TIGD7: variants seen among roughly 807,000 people sequenced by gnomAD.
TIGD7 encodes the protein tigger transposable element-derived protein 7.
TIGD7 carries 26 observed loss-of-function variants against 24.8 expected under a neutral mutation model. That is an observed-to-expected ratio of 1.05 (90% CI 0.77 to 1.45). The LOEUF (loss-of-function observed/expected upper bound fraction) is 1.45. Among genes scored for constraint, TIGD7 ranks in the 40% most tolerant of loss-of-function variants. The pLI is 0.00. For missense variants in TIGD7, 679 were observed against 641.6 expected (o/e 1.06, Z -0.63); for synonymous variants, 221 against 224.1 (o/e 0.99, Z 0.12).
At chr16:3,302,747 C>A (rs1391623957) in intron 1 of TIGD7, among the ~76,000 whole-genome samples, 2 of 151,156 alleles carry the variant, frequency 1.3e-5, no homozygotes, top group Non-Finnish European at 2.9e-5. Flanking sequence ...AGTCACCTAG[C>A]AAAAATATTC....
rs1425858200 is a variant in TIGD7 at position 3,300,457 on chromosome 16, A to G, written c.158T>C (p.Leu53Pro). 3.1e-6 allele frequency: 5 copies of G among 1,614,010 alleles called. No homozygotes were observed. The highest frequency in any genetic ancestry group is 2.5e-6 in the Non-Finnish European group (3 of 1,180,038). ...YDIKKNKKLI[L>P]DFVLKQDMPL... ...CATGTCCTGCTTCAGTACAAAGTCC[A>G]GAATTAACTTCTTATTTTTTTTAAT... Residue 53 changes from leucine (L) to proline (P), a missense_variant, in exon 2 of 2, where the codon CTG becomes CCG. Physicochemically the swap from Leu to Pro is moderately conservative, Grantham distance 98. Coordinates refer to ENST00000396862, the MANE Select transcript of TIGD7 (RefSeq NM_033208.4).
At position 3,299,726 on chromosome 16, in the gene TIGD7, T is replaced by C. The variant is rs1452170723; in HGVS notation, c.889A>G (p.Ser297Gly). ...EDVRALLLLD[S>G]CPAHPSSESL... ...TCAGAGGAAGGATGAGCCGGGCAAC[T>C]GTCCAGAAGTAACAATGCCCTGACG... The change falls in exon 2 of 2, where the codon AGT becomes GGT. Residue 297 changes from serine to glycine, a missense_variant. Physicochemically the swap from Ser to Gly is moderately conservative, Grantham distance 56. Transcript: ENST00000396862. The C allele has an allele frequency of 6.5e-7, 1 of 1,535,008 alleles. No homozygotes were observed. The highest frequency in any genetic ancestry group is 8.7e-7 in the Non-Finnish European group (1 of 1,145,630).
At position 3,299,835 on chromosome 16, in the gene TIGD7, T is replaced by C; in HGVS notation, c.780A>G (p.Glu260=). 6.3e-7 allele frequency: 1 copy of C among 1,590,932 alleles called. No homozygotes were observed. Residue 260 remains glutamate, a synonymous_variant, in exon 2 of 2, where the codon GAA becomes GAG. Transcript: ENST00000396862. ...KPSKDVWFTR[E]LFSEWFFQNF... ...TTTGAAAAAACCATTCTGAAAACAA[T>C]TCTCTGGTGAACCAAACATCTTTAC...
At position 3,298,814 on chromosome 16, in the gene TIGD7, TAAA is replaced by T. The variant is rs1478383460; in HGVS notation, c.*148_*150del. Reference sequence around the variant, plus strand: ...TATGAAACACAAATTTAAATAAATTTAAAGAAACACAAATGTATTATTTTCAAA... The same window carrying T: ...TATGAAACACAAATTTAAATAAATTTGAAACACAAATGTATTATTTTCAAA... On this transcript the variant is annotated 3_prime_UTR_variant, in exon 2 of 2. Coordinates refer to ENST00000396862, the MANE Select transcript of TIGD7 (RefSeq NM_033208.4). 5.0e-6 allele frequency: 2 copies of T among 398,356 alleles called. No homozygotes were observed. Among genetic ancestry groups the T allele is most frequent in the Non-Finnish European group, 8.8e-6 (2 of 227,116 alleles). The allele number at this position is 398,356 out of a possible 1,614,324, so 24.7% of individuals were successfully genotyped here. A position where few individuals can be genotyped will look rare whatever the true frequency, so the allele number is the denominator to read the frequency against.
In TIGD7 at chr16:3,302,555, T is replaced by C. The variant is rs529846235; in HGVS notation, c.-1395-546A>G. Among the ~76,000 whole-genome samples the C allele has an allele frequency of 7.9e-5, 12 of 152,248 alleles. 1 individual carries two copies. In the South Asian group the frequency reaches 2.5e-3, roughly 32 times the overall value. On this transcript the variant is annotated intron_variant, in intron 1 of 1. Transcript: ENST00000396862. ...TGGAGAAGATTACAAGAGAATATGG[T>C]AGTAATTAGGGGGTGGAGCCAATGG...
rs1960104280 is a variant in TIGD7, at chr16:3,305,217, G to A, written c.-1401C>T. ...AGCTGGGAGGCGACCCTTACCCGGC[G>A]AGGCTCCCGGGACCAAACGCCGCCC... On this transcript the variant is annotated 5_prime_UTR_variant, in exon 1 of 2. Coordinates refer to ENST00000396862, the MANE Select transcript of TIGD7 (RefSeq NM_033208.4). The A allele has an allele frequency of 6.6e-6, 1 of 152,232 alleles. No homozygotes were observed. The highest frequency in any genetic ancestry group is 1.9e-4 in the East Asian group (1 of 5,184). The allele number at this position is 152,232 out of a possible 1,614,324, so 9.4% of individuals were successfully genotyped here.
Position 3,300,517 on chromosome 16 carries a change from T to C in TIGD7, c.98A>G (p.Asp33Gly). 8 of 1,614,048 alleles carry C rather than the reference T, an allele frequency of 5.0e-6. No individual in the cohort carries two copies. The highest frequency in any genetic ancestry group is 6.8e-6 in the Non-Finnish European group (8 of 1,180,010). Reference sequence around the variant, plus strand: ...TGTTGACTTACTGATTCCAAATTCATCCATTACACTTTTAAGTGATCGTCC... The same window carrying C: ...TGTTGACTTACTGATTCCAAATTCACCCATTACACTTTTAAGTGATCGTCC... ...EAGRSLKSVMDEFGISKSTFY... is the reference protein window; with the variant it reads ...EAGRSLKSVMGEFGISKSTFY... Residue 33 changes from aspartate to glycine, a missense_variant, in exon 2 of 2, where the codon GAT (aspartate) becomes GGT (glycine). Transcript: ENST00000396862.
At chr16:3,304,401 A>T (rs1023936393) in intron 1 of TIGD7, among the ~76,000 whole-genome samples, 2 of 152,086 alleles carry the variant, frequency 1.3e-5, no homozygotes, top group Non-Finnish European at 2.9e-5. Context: ...ACCCCAAATC[A>T]ACTTGGATTT....
At chr16:3,303,475 A>G (rs1445362621) in intron 1 of TIGD7, among the ~76,000 whole-genome samples, 2 of 152,230 alleles carry the variant, frequency 1.3e-5, no homozygotes, top group African/African-American at 2.4e-5. Context: ...GAGAATCTTA[A>G]TGCTGATGGC....
chr16:3,301,252 G>A lies in TIGD7; in HGVS notation c.-638C>T, dbSNP rs184964965. ...TCATCTACCTGGATAAGGGCTCCGA[G>A]CTACAGGGACCCTGACATTGGGATG... On this transcript the variant is annotated 5_prime_UTR_variant, in exon 2 of 2. Transcript: ENST00000396862. 9.6e-4 allele frequency: 161 copies of A among 167,252 alleles called. No homozygotes were observed. The highest frequency in any genetic ancestry group is 7.3e-5 in the Non-Finnish European group (5 of 68,140). The allele number at this position is 167,252 out of a possible 1,614,324, so 10.4% of individuals were successfully genotyped here.
chr16:3,302,660 T>TG (rs146588137), intron 1 of TIGD7, among the ~76,000 whole-genome samples: 5,087 of 152,206 alleles, frequency 0.033, 299 homozygotes, highest in African/African-American at 0.12. Context: ...ACATAAATCT[T>TG]GGTTTATCTC....
At chr16:3,303,485 C>T (rs1959997398) in intron 1 of TIGD7, among the ~76,000 whole-genome samples, 1 of 152,124 alleles carries the variant, frequency 6.6e-6, no homozygotes, top group Non-Finnish European at 1.5e-5. Context: ...ATGCTGATGG[C>T]GCTACTGTCC....
Position 3,300,445 on chromosome 16 carries a change from A to G in TIGD7, c.170T>C (p.Leu57Pro), listed in dbSNP as rs888706674. ...CCCTACTAATGGCATGTCCTGCTTCAGTACAAAGTCCAGAATTAACTTCTT... is the reference window on the plus strand; with the variant it reads ...CCCTACTAATGGCATGTCCTGCTTCGGTACAAAGTCCAGAATTAACTTCTT... ...KNKKLILDFV[L>P]KQDMPLVGAE... The change falls in exon 2 of 2, where the codon CTG becomes CCG. Residue 57 changes from leucine to proline, a missense_variant. Leu to Pro is a moderately conservative substitution (Grantham distance 98). Transcript: ENST00000396862. 2.5e-6 allele frequency: 4 copies of G among 1,614,058 alleles called. No homozygotes were observed. The highest frequency in any genetic ancestry group is 1.3e-5 in the African/African-American group (1 of 74,914).
At position 3,299,732 on chromosome 16, in the gene TIGD7, G is replaced by C. The variant is rs2150779280; in HGVS notation, c.883C>G (p.Leu295Val). The C allele has an allele frequency of 1.9e-6, 3 of 1,541,078 alleles. No homozygotes were observed. Among genetic ancestry groups the C allele is most frequent in the South Asian group, 2.6e-5 (2 of 77,182 alleles). The change falls in exon 2 of 2, where the codon CTG becomes GTG. Residue 295 changes from leucine to valine, a missense_variant. By Grantham distance (32) the Leu-to-Val change is conservative. Coordinates refer to ENST00000396862, the MANE Select transcript of TIGD7 (RefSeq NM_033208.4). ...GAAGGATGAGCCGGGCAACTGTCCAGAAGTAACAATGCCCTGACGTCCTCG... is the reference window on the plus strand; with the variant it reads ...GAAGGATGAGCCGGGCAACTGTCCACAAGTAACAATGCCCTGACGTCCTCG... Reference protein sequence around the residue: ...HDEDVRALLLLDSCPAHPSSE... With the variant: ...HDEDVRALLLVDSCPAHPSSE...
At position 3,299,831 on chromosome 16, in the gene TIGD7, A is replaced by G; in HGVS notation, c.784T>C (p.Phe262Leu). 1 of 1,590,676 alleles carries G rather than the reference A, an allele frequency of 6.3e-7. No homozygotes were observed. The highest frequency in any genetic ancestry group is 1.2e-5 in the South Asian group (1 of 86,478). ...SKDVWFTREL[F>L]SEWFFQNFVP... The stretch of plus-strand genomic sequence containing the variant: ...AAGTTTTGAAAAAACCATTCTGAAA[A>G]CAATTCTCTGGTGAACCAAACATCT... Residue 262 changes from phenylalanine (F) to leucine (L), a missense_variant, in exon 2 of 2, where the codon TTT becomes CTT. By Grantham distance (22) the Phe-to-Leu change is conservative. Transcript: ENST00000396862.
At chr16:3,303,257 A>G (rs1959990542) in intron 1 of TIGD7, among the ~76,000 whole-genome samples, 1 of 152,234 alleles carries the variant, frequency 6.6e-6, no homozygotes, top group Admixed American at 6.5e-5. Context: ...TCACACAATG[A>G]AAATCACCAG....
rs79130081 is a variant in TIGD7, at chr16:3,300,709, T to C, written c.-95A>G. The C allele has an allele frequency of 1.0e-3, 1,520 of 1,485,250 alleles. 22 individuals carry two copies. In the African/African-American group the frequency reaches 0.019, roughly 19 times the overall value. 92.0% of individuals were successfully genotyped at this position (1,485,250 alleles called of 1,614,324 possible). On this transcript the variant is annotated 5_prime_UTR_variant, in exon 2 of 2. An upstream open reading frame in the 5' UTR loses its in-frame stop. Coordinates refer to ENST00000396862, the MANE Select transcript of TIGD7 (RefSeq NM_033208.4). ...AAACCCACATTTTTTAAACAAAACT[T>C]AGCTGAAAGCCCCAGAAGGCATGGG...
chr16:3,300,533 G>C lies in TIGD7; in HGVS notation c.82C>G (p.Leu28Val). The part of the protein sequence containing the change: ...VLSRIEAGRS[L>V]KSVMDEFGIS... ...CCAAATTCATCCATTACACTTTTAAGTGATCGTCCAGCTTCAATTCTACTT... is the reference window on the plus strand; with the variant it reads ...CCAAATTCATCCATTACACTTTTAACTGATCGTCCAGCTTCAATTCTACTT... The change falls in exon 2 of 2, where the codon CTT (leucine) becomes GTT (valine). Residue 28 changes from leucine (L) to valine (V), a missense_variant. Leu to Val is a conservative substitution (Grantham distance 32, BLOSUM62 1). Transcript: ENST00000396862. The C allele has an allele frequency of 1.2e-6, 2 of 1,613,590 alleles. No individual in the cohort carries two copies. The highest frequency in any genetic ancestry group is 1.7e-6 in the Non-Finnish European group (2 of 1,179,936).
At position 3,300,426 on chromosome 16, in the gene TIGD7, T is replaced by C; in HGVS notation, c.189A>G (p.Leu63=). The change falls in exon 2 of 2, where the codon TTA becomes TTG. Residue 63 remains leucine, a synonymous_variant. Transcript: ENST00000396862. The part of the protein sequence containing the change: ...LDFVLKQDMP[L]VGAEKRKRTT... ...TCCTCTTTCTCTTCTCAGCCCCTAC[T>C]AATGGCATGTCCTGCTTCAGTACAA... 1 of 1,614,240 alleles carries C rather than the reference T, an allele frequency of 6.2e-7. No individual in the cohort carries two copies. Among genetic ancestry groups the C allele is most frequent in the Non-Finnish European group, 8.5e-7 (1 of 1,180,044 alleles).
Sources: gnomAD v4.1 joint callset for allele counts (sites outside exome capture counted in the v4.1 genomes callset) on GRCh38, gnomAD v4.1.1 for gene constraint, MANE v1.5 for transcripts, NCBI Gene and HGNC (gene_info 2026-07-23, HGNC 2026-07-21) for gene names.